The following PTPRM variants were observed in gnomAD, a reference collection of about 807,000 sequenced individuals.
PTPRM encodes the protein protein tyrosine phosphatase receptor type M, also known as receptor-type tyrosine-protein phosphatase mu.
PTPRM carries 47 observed loss-of-function variants against 186.7 expected under a neutral mutation model. The ratio of observed to expected loss-of-function variants is 0.25; its 90% confidence interval spans 0.20 to 0.32. The LOEUF is 0.32. Among genes scored for constraint, PTPRM ranks in the 10% least tolerant of loss-of-function variants. The probability of loss-of-function intolerance (pLI) is 1.00; values close to 1 mark genes in which losing one functional copy is unlikely to be tolerated. For missense variants in PTPRM, 1,494 were observed against 1,865.0 expected (o/e 0.80, Z 3.66); for synonymous variants, 668 against 674.9 (o/e 0.99, Z 0.16).
At chr18:7,708,944 C>G (rs975614872) in intron 1 of PTPRM, among the ~76,000 whole-genome samples, 3 of 152,106 alleles carry the variant, frequency 2.0e-5, no homozygotes, top group African/African-American at 7.2e-5. Context: ...TTGCTCACTT[C>G]ATGGAATTTA....
intron 7 of PTPRM, among the ~76,000 whole-genome samples, chr18:8,017,039 C>A (rs2084914609): frequency 6.6e-6 from 1 of 152,092 alleles, no homozygotes; most frequent in South Asian, 2.1e-4. Context: ...TTTTTTTCTA[C>A]ATTCATCTAT....
chr18:7,793,719 G>A (rs978285895), intron 2 of PTPRM, among the ~76,000 whole-genome samples: 3 of 152,070 alleles, frequency 2.0e-5, no homozygotes, highest in East Asian at 1.9e-4. Flanking sequence ...CTTCATGCCC[G>A]GCCTGTGCTC....
intron 2 of PTPRM, among the ~76,000 whole-genome samples, chr18:7,829,320 A>G (rs1203982295): frequency 2.0e-5 from 3 of 152,186 alleles, no homozygotes; most frequent in Non-Finnish European, 4.4e-5. Context: ...AGAATTCAAG[A>G]TGACACTCTT....
intron 5 of PTPRM, among the ~76,000 whole-genome samples, chr18:7,948,130 TACACACACACACACACACACAC>T (rs57918724): frequency 6.6e-4 from 91 of 137,900 alleles, no homozygotes; most frequent in African/African-American, 2.2e-3. Context: ...GATTATAAAA[TACACACACACACACACACACAC>T]ACACACACAC....
intron 3 of PTPRM, among the ~76,000 whole-genome samples, chr18:7,890,779 G>A (rs2049032544): frequency 6.6e-6 from 1 of 152,086 alleles, no homozygotes; most frequent in South Asian, 2.1e-4. Context: ...TCCAACAATA[G>A]AGGATTTGTT....
intron 12 of PTPRM, 36 bp downstream of exon 12, chr18:8,113,795 T>G (rs958155946): frequency 1.3e-6 from 2 of 1,563,782 alleles, no homozygotes; most frequent in Non-Finnish European, 1.7e-6. Context: ...TTAGGCTATT[T>G]GGGGTTGTTA....
intron 7 of PTPRM, among the ~76,000 whole-genome samples, chr18:7,996,411 AATATATGAC>A (rs2083539827): frequency 6.6e-6 from 1 of 152,134 alleles, no homozygotes; most frequent in Admixed American, 6.6e-5. Flanking sequence ...TTTTAAAGGC[AATATATGAC>A]ATACAGCTAA....
intron 13 of PTPRM, among the ~76,000 whole-genome samples, chr18:8,141,388 G>T (rs1600800287): frequency 1.3e-5 from 2 of 152,254 alleles, no homozygotes; most frequent in Admixed American, 1.3e-4. Context: ...TCATTCCCTT[G>T]ACCTGCAATG....
At chr18:7,781,431 A>G (rs1178250609) in intron 2 of PTPRM, among the ~76,000 whole-genome samples, 1 of 152,244 alleles carries the variant, frequency 6.6e-6, no homozygotes, top group Non-Finnish European at 1.5e-5. Context: ...ATCTGCAAAC[A>G]ATCAAATACA....
chr18:8,375,144 C>T (rs1335290740), intron 24 of PTPRM, among the ~76,000 whole-genome samples: 1 of 152,202 alleles, frequency 6.6e-6, no homozygotes, highest in Non-Finnish European at 1.5e-5. Context: ...TAATTATTCT[C>T]AAAACAAAAG....
chr18:8,271,595 G>C (rs1172385266), intron 19 of PTPRM, among the ~76,000 whole-genome samples: 1 of 151,764 alleles, frequency 6.6e-6, no homozygotes, highest in East Asian at 1.9e-4. Context: ...GTGTTTAAAA[G>C]TCACCTGTAA....
At chr18:7,586,824 T>C (rs1298607035) in intron 1 of PTPRM, among the ~76,000 whole-genome samples, 1 of 152,300 alleles carries the variant, frequency 6.6e-6, no homozygotes, top group Non-Finnish European at 1.5e-5. Flanking sequence ...AAAATACAAC[T>C]TGTACAAACA....
intron 1 of PTPRM, among the ~76,000 whole-genome samples, chr18:7,767,564 A>C (rs1463326073): frequency 6.6e-6 from 1 of 152,192 alleles, no homozygotes; most frequent in Non-Finnish European, 1.5e-5. Flanking sequence ...ATGATTTCAT[A>C]CTACTCTTGG....
intron 14 of PTPRM, among the ~76,000 whole-genome samples, chr18:8,216,773 T>A (rs1332291312): frequency 6.6e-6 from 1 of 152,256 alleles, no homozygotes; most frequent in Non-Finnish European, 1.5e-5. Context: ...AAGTAGATGC[T>A]CTTTTTGACC....
At chr18:8,084,620 C>G (rs72909813) in intron 9 of PTPRM, among the ~76,000 whole-genome samples, 56 of 152,172 alleles carry the variant, frequency 3.7e-4, no homozygotes, top group African/African-American at 1.3e-3. Context: ...ATTATCACTT[C>G]GTATAATAAC....
chr18:8,046,900 G>A (rs1298055021), intron 7 of PTPRM, among the ~76,000 whole-genome samples: 1 of 152,052 alleles, frequency 6.6e-6, no homozygotes, highest in Non-Finnish European at 1.5e-5. Context: ...ACTTGCTCAG[G>A]GAGTGTTCCC....
At chr18:7,884,929 A>AAAAAAAAAAAG (rs1424216564) in intron 2 of PTPRM, among the ~76,000 whole-genome samples, 6 of 140,120 alleles carry the variant, frequency 4.3e-5, no homozygotes, top group African/African-American at 1.8e-4. Flanking sequence ...CATCTCAAAA[A>AAAAAAAAAAAG]AAAAAAAAAA....
At chr18:7,888,940 G>A (rs2146356507) in intron 3 of PTPRM, among the ~76,000 whole-genome samples, 1 of 152,244 alleles carries the variant, frequency 6.6e-6, no homozygotes, top group East Asian at 1.9e-4. Context: ...ACATAAAGAT[G>A]GGAATAGTAG....
At chr18:8,066,463 T>C (rs2089086406) in intron 7 of PTPRM, among the ~76,000 whole-genome samples, 2 of 152,298 alleles carry the variant, frequency 1.3e-5, no homozygotes, top group African/African-American at 4.8e-5. Flanking sequence ...ATTTAACTTA[T>C]CCTGTAAGCT....
Sources: allele counts gnomAD v4.1 joint callset (sites outside exome capture counted in the v4.1 genomes callset), GRCh38; gene constraint gnomAD v4.1.1; transcripts MANE v1.5; gene names NCBI Gene and HGNC (gene_info 2026-07-23, HGNC 2026-07-21).